Variants in SMG6 observed in about 807,000 individuals in gnomAD.
SMG6 encodes SMG6 nonsense mediated mRNA decay factor, also known as telomerase-binding protein EST1A.
In SMG6, 66 loss-of-function variants were observed where a neutral mutation model predicts 142.2. The ratio of observed to expected loss-of-function variants is 0.46; its 90% CI spans 0.38 to 0.57. SMG6 has a LOEUF of 0.57. Ranked by LOEUF, SMG6 falls within the 20% of genes least tolerant of loss-of-function variation. The probability of loss-of-function intolerance (pLI) is 0.00; values close to 1 mark genes in which losing one functional copy is unlikely to be tolerated. For missense variants in SMG6, 1,793 were observed against 1,832.0 expected (o/e 0.98, Z 0.39); for synonymous variants, 779 against 702.4 (o/e 1.11, Z -1.72).
chr17:2,285,883 A>G (rs997102402), intron 6 of SMG6, among the ~76,000 whole-genome samples: 4 of 152,130 alleles, frequency 2.6e-5, no homozygotes, highest in Non-Finnish European at 5.9e-5. Context: ...CAAGTTAGCC[A>G]GGCTGGTCTG....
rs143417206 is a variant in SMG6, at chr17:2,084,471, G to A, written c.3534+1254C>T. Among the ~76,000 whole-genome samples the A allele has an allele frequency of 1.5e-3, 228 of 152,302 alleles. 1 individual carries two copies. The highest frequency in any genetic ancestry group is 7.9e-4 in the Non-Finnish European group (54 of 68,014). Reference sequence around the variant, plus strand: ...AGCTGAGCCCTATGTCATCAGGGGTGGGGTGGGGCTCTCCAGTTATTCTAA... The same window carrying A: ...AGCTGAGCCCTATGTCATCAGGGGTAGGGTGGGGCTCTCCAGTTATTCTAA... On this transcript the variant is annotated intron_variant, in intron 14 of 18. Coordinates refer to ENST00000263073, the MANE Select transcript of SMG6 (RefSeq NM_017575.5).
chr17:2,104,045 A>G (rs2151479062), intron 13 of SMG6, among the ~76,000 whole-genome samples: 1 of 150,608 alleles, frequency 6.6e-6, no homozygotes, highest in South Asian at 2.1e-4. Flanking sequence ...TCTGCTTCCC[A>G]GGTTCAAGTC....
At chr17:2,103,845 T>G (rs2069078443) in intron 13 of SMG6, among the ~76,000 whole-genome samples, 1 of 152,136 alleles carries the variant, frequency 6.6e-6, no homozygotes, top group African/African-American at 2.4e-5. Flanking sequence ...AATAAGAGCC[T>G]TGGTGCAAAG....
rs748196984 is a variant in SMG6 at position 2,068,979 on chromosome 17, G to A, written c.3682-48C>T. 5.6e-6 allele frequency: 9 copies of A among 1,599,634 alleles called. No individual in the cohort carries two copies. Among genetic ancestry groups the A allele is most frequent in the South Asian group, 1.1e-5 (1 of 89,446 alleles). Reference sequence around the variant, plus strand: ...GAGCCAGACAGCGAGCAGGCAAGCAGGTGGGTGAGCCAGGGCCCTGACACT... The same window carrying A: ...GAGCCAGACAGCGAGCAGGCAAGCAAGTGGGTGAGCCAGGGCCCTGACACT... On this transcript the variant is annotated intron_variant, in intron 15 of 18. Transcript: ENST00000263073. The surrounding 1 kb of genome is among the most constrained non-coding windows in gnomAD (Gnocchi z 6.7).
chr17:2,185,587 C>T (rs1339880377), intron 12 of SMG6, among the ~76,000 whole-genome samples: 2 of 152,140 alleles, frequency 1.3e-5, no homozygotes, highest in Non-Finnish European at 1.5e-5. Context: ...CACCTGCCCC[C>T]GCCCCCAATA....
At chr17:2,166,854 G>A (rs1221643208) in intron 13 of SMG6, among the ~76,000 whole-genome samples, 1 of 152,190 alleles carries the variant, frequency 6.6e-6, no homozygotes, top group Non-Finnish European at 1.5e-5. Context: ...GCCAGGCACA[G>A]TGGCTCATGC....
At chr17:2,178,688 A>AT (rs1273406688) in intron 12 of SMG6, among the ~76,000 whole-genome samples, 1 of 152,068 alleles carries the variant, frequency 6.6e-6, no homozygotes, top group Non-Finnish European at 1.5e-5. Flanking sequence ...GCCTTATTTG[A>AT]TTTCAGTTCT....
intron 8 of SMG6, among the ~76,000 whole-genome samples, chr17:2,252,199 G>T (rs2074061841): frequency 1.3e-5 from 2 of 152,160 alleles, no homozygotes; most frequent in South Asian, 4.1e-4. Context: ...AGATCACGAG[G>T]TCAAGAGATC....
Position 2,096,352 on chromosome 17 carries a change from G to A in SMG6, c.3358-10451C>T, listed in dbSNP as rs139997862. On this transcript the variant is annotated intron_variant, in intron 13 of 18. Transcript: ENST00000263073. ...CCTCCTGAGTAGCTGGGATTCACAG[G>A]TGCACGCCACCATGCCCGGCTAATT... is the stretch of plus-strand genomic sequence containing the variant. Among the ~76,000 whole-genome samples, 489 of 152,264 alleles carry A rather than the reference G, an allele frequency of 3.2e-3. 3 individuals carry two copies. The highest frequency in any genetic ancestry group is 7.0e-3 in the Admixed American group (107 of 15,300).
At chr17:2,215,666 G>GT (rs2072995453) in intron 10 of SMG6, 1 of 151,878 alleles carries the variant, frequency 6.6e-6, no homozygotes, top group Non-Finnish European at 1.5e-5. Flanking sequence ...TTGTGTGTGT[G>GT]GGGGGGGATC....
At chr17:2,127,971 G>T (rs921192101) in intron 13 of SMG6, 2 of 534,804 alleles carry the variant, frequency 3.7e-6, no homozygotes, top group African/African-American at 1.9e-5. Context: ...CAAACCCATG[G>T]TCTTCCAGAA....
chr17:2,061,728 AG>A, intron 18 of SMG6, 106 bp from the exon 19 acceptor site: 2 of 1,306,676 alleles, frequency 1.5e-6, no homozygotes, highest in Non-Finnish European at 2.1e-6. Flanking sequence ...GTGCCACGCT[AG>A]CCGTGTCTTG....
intron 8 of SMG6, among the ~76,000 whole-genome samples, chr17:2,259,833 G>A (rs552173890): frequency 3.9e-5 from 6 of 152,246 alleles, no homozygotes; most frequent in South Asian, 4.1e-4. Context: ...GGAGGAGCAC[G>A]AACTAATCTA....
intron 13 of SMG6, among the ~76,000 whole-genome samples, chr17:2,144,425 TG>T (rs2070597924): frequency 6.6e-6 from 1 of 152,160 alleles, no homozygotes; most frequent in Admixed American, 6.5e-5. Flanking sequence ...CGGGCGGGTC[TG>T]GAACTCCAGA....
chr17:2,130,506 G>A (rs2070084816), intron 13 of SMG6, among the ~76,000 whole-genome samples: 1 of 151,482 alleles, frequency 6.6e-6, no homozygotes, highest in African/African-American at 2.4e-5. Flanking sequence ...ACAGAACAGA[G>A]GACTAGGAAA....
chr17:2,190,915 CA>C (rs879480333), intron 10 of SMG6, among the ~76,000 whole-genome samples: 1 of 152,194 alleles, frequency 6.6e-6, no homozygotes, highest in East Asian at 1.9e-4. Flanking sequence ...GGAGATTTTA[CA>C]AACGATCAAG....
At chr17:2,260,760 C>T (rs1170795042) in intron 8 of SMG6, among the ~76,000 whole-genome samples, 3 of 151,868 alleles carry the variant, frequency 2.0e-5, no homozygotes, top group Non-Finnish European at 4.4e-5. Context: ...TTTGGGAGGC[C>T]GAGGTGGGTG....
chr17:2,178,668 C>T (rs559196548), intron 12 of SMG6, among the ~76,000 whole-genome samples: 41 of 152,266 alleles, frequency 2.7e-4, no homozygotes, highest in African/African-American at 8.2e-4. Context: ...CCAATATGTT[C>T]GGGGTCGGCG....
intron 9 of SMG6, among the ~76,000 whole-genome samples, chr17:2,239,615 C>A (rs1421832902): frequency 6.6e-6 from 1 of 151,546 alleles, no homozygotes; most frequent in Non-Finnish European, 1.5e-5. Flanking sequence ...AAAATTTTAC[C>A]AAATTTTAAC....
Sources: gnomAD v4.1 joint callset for allele counts (sites outside exome capture counted in the v4.1 genomes callset) on GRCh38, gnomAD v4.1.1 for gene constraint, Gnocchi (gnomAD v3.1) non-coding constraint, MANE v1.5 for transcripts, NCBI Gene and HGNC (gene_info 2026-07-23, HGNC 2026-07-21) for gene names.